The following NLGN4Y variants were observed in gnomAD, a reference collection of about 807,000 sequenced individuals.
NLGN4Y encodes the protein neuroligin 4 Y-linked.
Under a neutral mutation model 8.4 loss-of-function variants are expected in NLGN4Y, and 4 were observed. That is an observed-to-expected ratio of 0.48 (90% CI 0.23 to 1.09). The LOEUF (loss-of-function observed/expected upper bound fraction) is 1.09, where lower values mean the gene tolerates loss of function less well. NLGN4Y is among the 50% of genes least tolerant of loss of function. The probability of loss-of-function intolerance (pLI) is 0.19; values close to 1 mark genes in which losing one functional copy is unlikely to be tolerated. For missense variants in NLGN4Y, 90 were observed against 192.3 expected (o/e 0.47, Z 3.15); for synonymous variants, 35 against 75.6 (o/e 0.46, Z 2.78).
At chrY:14,546,440 T>C (rs2080172681) in intron 1 of NLGN4Y, among the ~76,000 whole-genome samples, 1 of 31,860 alleles carries the variant, frequency 3.1e-5, no homozygotes, top group Non-Finnish European at 7.6e-5. Flanking sequence ...GTTTATATCC[T>C]CTTTTATTTC....
At chrY:14,751,840 A>G (rs2081042722) in intron 4 of NLGN4Y, 1 of 31,380 alleles carries the variant, frequency 3.2e-5, no homozygotes, top group Non-Finnish European at 7.6e-5. Context: ...TTGAATTTTT[A>G]GTAAAAACGG....
At chrY:14,603,548 G>C (rs901051129) in intron 1 of NLGN4Y, among the ~76,000 whole-genome samples, 2 of 32,910 alleles carry the variant, frequency 6.1e-5, no homozygotes, top group Non-Finnish European at 1.5e-4. Context: ...AAGCAATTTG[G>C]GGGATTGGAG....
chrY:14,702,631 C>T (rs2080856691), intron 2 of NLGN4Y, among the ~76,000 whole-genome samples: 4 of 33,042 alleles, frequency 1.2e-4, no homozygotes, highest in South Asian at 7.0e-4. Context: ...TACGTGTGCA[C>T]GTGTCTTTAT....
In NLGN4Y at chrY:14,710,985, T is replaced by A. The variant is rs761995217; in HGVS notation, c.473-8474T>A. On this transcript the variant is annotated intron_variant, in intron 2 of 6. Coordinates refer to ENST00000684976, the MANE Select transcript of NLGN4Y (RefSeq NM_001365588.1). ...TATGTATCAGTTAGCTACTGCTGCA[T>A]AACAAAGCACTCTAAAATTCATTCC... 1.8e-4 allele frequency among the ~76,000 whole-genome samples: 6 copies of A among 33,886 alleles called. No individual in the cohort carries two copies. The East Asian group carries it at 4.7e-3, about 27-fold the overall frequency. 90.9% of individuals were successfully genotyped at this position (33,886 alleles called of 37,273 possible).
At chrY:14,659,957 T>G in intron 2 of NLGN4Y, among the ~76,000 whole-genome samples, 1 of 33,373 alleles carries the variant, frequency 3.0e-5, no homozygotes, top group Non-Finnish European at 7.4e-5. Context: ...TTTATTTTGA[T>G]TTTTGTAGAC....
At chrY:14,664,591 T>C in intron 2 of NLGN4Y, among the ~76,000 whole-genome samples, 1 of 33,552 alleles carries the variant, frequency 3.0e-5, no homozygotes, top group South Asian at 6.6e-4. Context: ...TTAGGGAGAC[T>C]GATTATGCAG....
intron 1 of NLGN4Y, among the ~76,000 whole-genome samples, chrY:14,592,175 A>C (rs908147789): frequency 3.1e-5 from 1 of 32,637 alleles, no homozygotes; most frequent in Non-Finnish European, 7.5e-5. Flanking sequence ...GGCAAAGAGC[A>C]AATAGGAAGG....
At position 14,825,672 on chromosome Y, in the gene NLGN4Y, ACACTTTTAGGAAGAACCTCCCTGCTG is replaced by A. The variant is rs780491380; in HGVS notation, c.871+1300_871+1325del. 0.014 allele frequency among the ~76,000 whole-genome samples: 438 copies of A among 31,584 alleles called. No individual in the cohort carries two copies. In the Middle Eastern group the frequency reaches 0.25, roughly 18 times the overall value. 84.7% of individuals were successfully genotyped at this position (31,584 alleles called of 37,273 possible). A position where few individuals can be genotyped will look rare whatever the true frequency, so the allele number is the denominator to read the frequency against. On this transcript the variant is annotated intron_variant, in intron 5 of 6. Transcript: ENST00000684976. ...TTTCCTTTATCTCTCTCTCTCTAAC[ACACTTTTAGGAAGAACCTCCCTGCTG>A]GGCCAGTCAGCATGACATCCTCTAC...
chrY:14,802,315 G>C, intron 4 of NLGN4Y, among the ~76,000 whole-genome samples: 1 of 31,411 alleles, frequency 3.2e-5, no homozygotes, highest in Non-Finnish European at 7.7e-5. Context: ...TGATTCATTT[G>C]CTATGCCGCT....
intron 1 of NLGN4Y, among the ~76,000 whole-genome samples, chrY:14,558,843 G>T (rs2080217786): frequency 6.0e-5 from 2 of 33,140 alleles, no homozygotes; most frequent in Admixed American, 2.8e-4. Context: ...GTGCCTAAGG[G>T]GGTTGAGCAT....
intron 1 of NLGN4Y, among the ~76,000 whole-genome samples, chrY:14,531,548 C>G: frequency 3.3e-5 from 1 of 30,644 alleles, no homozygotes; most frequent in Non-Finnish European, 7.8e-5. Flanking sequence ...TTTATCTAAA[C>G]ATAAAATGTA....
chrY:14,587,190 C>T, intron 1 of NLGN4Y, among the ~76,000 whole-genome samples: 3 of 33,948 alleles, frequency 8.8e-5, no homozygotes, highest in Non-Finnish European at 2.2e-4. Flanking sequence ...CAGTGAGAAA[C>T]CCTTTTATAG....
intron 4 of NLGN4Y, among the ~76,000 whole-genome samples, chrY:14,757,250 C>A (rs2081064149): frequency 3.1e-5 from 1 of 32,208 alleles, no homozygotes; most frequent in Non-Finnish European, 7.5e-5. Context: ...CACTAATTCT[C>A]TCGTTTAATC....
intron 2 of NLGN4Y, among the ~76,000 whole-genome samples, chrY:14,643,604 T>C: frequency 3.0e-5 from 1 of 33,277 alleles, no homozygotes; most frequent in Non-Finnish European, 7.4e-5. Flanking sequence ...TAGAGATAGC[T>C]TGAGATTTAA....
chrY:14,750,006 A>C (rs887606346), intron 4 of NLGN4Y, among the ~76,000 whole-genome samples: 3 of 32,840 alleles, frequency 9.1e-5, no homozygotes, highest in African/African-American at 2.4e-4. Context: ...TATAGACCTG[A>C]GGGTGGGTGA....
At chrY:14,664,232 A>G in intron 2 of NLGN4Y, among the ~76,000 whole-genome samples, 1 of 33,527 alleles carries the variant, frequency 3.0e-5, no homozygotes, top group Admixed American at 2.8e-4. Context: ...CACCATTGGT[A>G]TGGCTTTTGT....
At chrY:14,640,966 G>A (rs1364456692) in intron 2 of NLGN4Y, among the ~76,000 whole-genome samples, 5 of 33,809 alleles carry the variant, frequency 1.5e-4, no homozygotes. Context: ...TTGCATGAGA[G>A]CTACCTGGGG....
At chrY:14,631,464 G>A in intron 2 of NLGN4Y, among the ~76,000 whole-genome samples, 1 of 33,884 alleles carries the variant, frequency 3.0e-5, no homozygotes, top group South Asian at 6.5e-4. Flanking sequence ...CAGAATTCTG[G>A]GATTACAGAC....
chrY:14,556,018 TG>T (rs2080209777), intron 1 of NLGN4Y, among the ~76,000 whole-genome samples: 1 of 32,154 alleles, frequency 3.1e-5, no homozygotes, highest in Non-Finnish European at 7.6e-5. Context: ...CCAGGCATGA[TG>T]GTGCATGCCT....
Sources: allele counts gnomAD v4.1 joint callset (sites outside exome capture counted in the v4.1 genomes callset), GRCh38; gene constraint gnomAD v4.1.1; transcripts MANE v1.5; gene names NCBI Gene and HGNC (gene_info 2026-07-23, HGNC 2026-07-21).